VAV3: variants seen among roughly 807,000 people sequenced by gnomAD.
VAV3 encodes the protein vav guanine nucleotide exchange factor 3, also known as guanine nucleotide exchange factor VAV3.
In VAV3, 94 loss-of-function variants were observed where a neutral mutation model predicts 131.2. The ratio of observed to expected loss-of-function variants is 0.72; its 90% CI spans 0.61 to 0.85. VAV3 has a LOEUF of 0.85. Ranked by LOEUF, VAV3 falls within the 40% of genes least tolerant of loss-of-function variation. VAV3 has a pLI of 0.00. For synonymous variants in VAV3, 349 were observed against 342.0 expected (o/e 1.02, Z -0.22); for missense variants, 939 against 1,002.7 (o/e 0.94, Z 0.86).
At chr1:107,645,811 T>C (rs967050686) in intron 19 of VAV3, among the ~76,000 whole-genome samples, 1 of 152,088 alleles carries the variant, frequency 6.6e-6, no homozygotes, top group Non-Finnish European at 1.5e-5. Flanking sequence ...TTAGTATTAA[T>C]TTAATATAGG....
intron 17 of VAV3, among the ~76,000 whole-genome samples, chr1:107,696,292 T>C (rs748835215): frequency 1.1e-4 from 17 of 152,244 alleles, no homozygotes; most frequent in Non-Finnish European, 2.2e-4. Context: ...ATCATTTCTT[T>C]GTGTTGGGAA....
chr1:107,600,247 T>A (rs1036191219), intron 24 of VAV3, among the ~76,000 whole-genome samples: 4 of 152,172 alleles, frequency 2.6e-5, no homozygotes, highest in African/African-American at 9.7e-5. Context: ...AATGGAGGGG[T>A]AGCTTCAGAT....
chr1:107,927,855 G>C (rs1363659791), intron 1 of VAV3, among the ~76,000 whole-genome samples: 3 of 152,198 alleles, frequency 2.0e-5, no homozygotes, highest in African/African-American at 7.2e-5. Context: ...GGGGGAACTT[G>C]CTGCCCTGAA....
intron 22 of VAV3, among the ~76,000 whole-genome samples, chr1:107,608,128 T>A (rs1345538974): frequency 6.7e-6 from 1 of 149,378 alleles, no homozygotes; most frequent in East Asian, 2.0e-4. Context: ...TGCCTGAACA[T>A]CTTGCTTTTA....
At chr1:107,891,838 C>CAAAAA (rs35693360) in intron 1 of VAV3, among the ~76,000 whole-genome samples, 13 of 27,920 alleles carry the variant, frequency 4.7e-4, no homozygotes, top group African/African-American at 1.2e-3. Flanking sequence ...GACTCCGTCT[C>CAAAAA]AAAAAAAAAA....
Position 107,777,276 on chromosome 1 carries a change from C to A in VAV3, c.401G>T (p.Ser134Ile). The change falls in exon 4 of 27, where the codon AGC (serine) becomes ATC (isoleucine). Residue 134 changes from serine to isoleucine, a missense_variant. Physicochemically the swap from Ser to Ile is moderately radical, Grantham distance 142 (BLOSUM62 -2). Transcript: ENST00000370056. ...TGIRPFPTEE[S>I]INDEDIYKGL... Reference sequence around the variant, plus strand: ...TTTGTAGATGTCTTCATCATTAATGCTTTCTTCTGTTGGGAAGGGCCTAGG... The same window carrying A: ...TTTGTAGATGTCTTCATCATTAATGATTTCTTCTGTTGGGAAGGGCCTAGG... The A allele has an allele frequency of 6.2e-7, 1 of 1,613,962 alleles. No homozygotes were observed. Among genetic ancestry groups the A allele is most frequent in the South Asian group, 1.1e-5 (1 of 91,076 alleles).
In VAV3 at chr1:107,783,507, G is replaced by A. The variant is rs150197293; in HGVS notation, c.322-4015C>T. ...ACCTGGGCTAGCTGTTAAGGCTCTGGAGGTGGACAGCCCCAAGGCCGCCTA... is the reference window on the plus strand; with the variant it reads ...ACCTGGGCTAGCTGTTAAGGCTCTGAAGGTGGACAGCCCCAAGGCCGCCTA... On this transcript the variant is annotated intron_variant, in intron 2 of 26. Coordinates refer to ENST00000370056, the MANE Select transcript of VAV3 (RefSeq NM_006113.5). 3.5e-3 allele frequency among the ~76,000 whole-genome samples: 535 copies of A among 152,246 alleles called. 1 individual carries two copies. The highest frequency in any genetic ancestry group is 0.012 in the African/African-American group (511 of 41,530).
At chr1:107,578,791 T>G (rs187304254) in intron 25 of VAV3, 173 of 985,180 alleles carry the variant, frequency 1.8e-4, no homozygotes, top group Admixed American at 6.1e-4. Context: ...CTGGGACTAT[T>G]TTATCCATAA....
At chr1:107,616,888 A>C (rs893085865) in intron 21 of VAV3, among the ~76,000 whole-genome samples, 3 of 152,116 alleles carry the variant, frequency 2.0e-5, no homozygotes, top group African/African-American at 7.2e-5. Context: ...GGAGTCAATA[A>C]ATTAAAAAGT....
At chr1:107,741,414 G>C (rs766143073) in intron 15 of VAV3, among the ~76,000 whole-genome samples, 8 of 152,214 alleles carry the variant, frequency 5.3e-5, no homozygotes, top group Non-Finnish European at 5.9e-5. Context: ...GGTGAGGCAA[G>C]GGGTGCTGGT....
intron 2 of VAV3, among the ~76,000 whole-genome samples, chr1:107,808,138 T>C (rs1667150161): frequency 6.6e-6 from 1 of 152,148 alleles, no homozygotes; most frequent in South Asian, 2.1e-4. Context: ...CCTGGGAAGC[T>C]TTGCTGACAT....
chr1:107,713,668 G>A (rs1285685211), intron 15 of VAV3, among the ~76,000 whole-genome samples: 1 of 152,072 alleles, frequency 6.6e-6, no homozygotes, highest in African/African-American at 2.4e-5. Context: ...ACACTGAAGG[G>A]TTTTCATAAA....
At chr1:107,589,501 A>G (rs1201638517) in intron 25 of VAV3, among the ~76,000 whole-genome samples, 1 of 152,232 alleles carries the variant, frequency 6.6e-6, no homozygotes, top group Non-Finnish European at 1.5e-5. Context: ...GCCTCCAGGA[A>G]GAATTAGCCC....
In VAV3 at chr1:107,704,546, T is replaced by G. The variant is rs1397825823; in HGVS notation, c.1705+4A>C. ...ACAGAATTGCAACAATAAACATGACTTACCACCAGAATTAACTCTGCCACA... is the reference window on the plus strand; with the variant it reads ...ACAGAATTGCAACAATAAACATGACGTACCACCAGAATTAACTCTGCCACA... On this transcript the variant is annotated splice_donor_region_variant and intron_variant, in intron 17 of 26. Coordinates refer to ENST00000370056, the MANE Select transcript of VAV3 (RefSeq NM_006113.5). 1.9e-6 allele frequency: 3 copies of G among 1,610,278 alleles called. No individual in the cohort carries two copies. The highest frequency in any genetic ancestry group is 2.5e-6 in the Non-Finnish European group (3 of 1,177,208).
intron 24 of VAV3, among the ~76,000 whole-genome samples, chr1:107,601,018 C>A (rs17019507): frequency 2.0e-5 from 3 of 152,138 alleles, no homozygotes; most frequent in African/African-American, 7.2e-5. Flanking sequence ...CAAGCTGGTA[C>A]GTCTTGCAGA....
At chr1:107,642,220 G>C (rs181924308) in intron 20 of VAV3, among the ~76,000 whole-genome samples, 20 of 152,212 alleles carry the variant, frequency 1.3e-4, no homozygotes, top group African/African-American at 4.6e-4. Context: ...AGGTCATAAA[G>C]ACCTTGCTGA....
chr1:107,958,074 A>G (rs889545193), intron 1 of VAV3, among the ~76,000 whole-genome samples: 3 of 152,174 alleles, frequency 2.0e-5, no homozygotes, highest in Non-Finnish European at 2.9e-5. Context: ...TTTACATGAA[A>G]AGATCCTGAT....
chr1:107,611,144 A>G (rs1652694590), intron 21 of VAV3, among the ~76,000 whole-genome samples: 1 of 152,228 alleles, frequency 6.6e-6, no homozygotes, highest in Non-Finnish European at 1.5e-5. Flanking sequence ...CCAAAAATCT[A>G]AAATCGTATG....
At chr1:107,781,861 C>CAGAAGATCA (rs1210565040) in intron 2 of VAV3, among the ~76,000 whole-genome samples, 110 of 152,202 alleles carry the variant, frequency 7.2e-4, no homozygotes, top group African/African-American at 2.5e-3. Flanking sequence ...TTTGTAAACT[C>CAGAAGATCA]AGAAGATCAA....
Sources: allele counts gnomAD v4.1 joint callset (sites outside exome capture counted in the v4.1 genomes callset), GRCh38; gene constraint gnomAD v4.1.1; transcripts MANE v1.5; gene names NCBI Gene and HGNC (gene_info 2026-07-23, HGNC 2026-07-21).